The following RIMS1 variants were observed in gnomAD, a reference collection of about 807,000 sequenced individuals.
RIMS1 encodes the protein regulating synaptic membrane exocytosis protein 1.
RIMS1 carries 83 observed loss-of-function variants against 214.1 expected under a neutral mutation model. The observed-to-expected ratio is 0.39, with a 90% CI of 0.32 to 0.47. The LOEUF is 0.47. RIMS1 is among the 20% of genes least tolerant of loss of function. RIMS1 has a pLI of 0.99. For synonymous variants in RIMS1, 793 were observed against 786.8 expected (o/e 1.01, Z -0.13); for missense variants, 2,050 against 2,161.8 (o/e 0.95, Z 1.03).
chr6:72,291,039 C>CT (rs1356466206), intron 25 of RIMS1, among the ~76,000 whole-genome samples, 178 bp downstream of exon 25: 1 of 152,124 alleles, frequency 6.6e-6, no homozygotes, highest in Non-Finnish European at 1.5e-5. Flanking sequence ...CTTCACTGTG[C>CT]TGGTGGTATA....
intron 1 of RIMS1, among the ~76,000 whole-genome samples, chr6:71,935,612 G>A (rs190119691): frequency 2.0e-5 from 3 of 152,218 alleles, no homozygotes; most frequent in Admixed American, 2.0e-4. Context: ...CCTCTGGCCC[G>A]TTTGCTGTTG....
At chr6:72,336,518 G>T (rs1313933001) in intron 29 of RIMS1, among the ~76,000 whole-genome samples, 2 of 151,648 alleles carry the variant, frequency 1.3e-5, no homozygotes, top group Non-Finnish European at 2.9e-5. Flanking sequence ...AAAGGAAATG[G>T]GATTATGAAG....
chr6:72,258,002 C>T lies in RIMS1; in HGVS notation c.2771-123C>T, dbSNP rs889238672. On this transcript the variant is annotated intron_variant, in intron 16 of 33. Transcript: ENST00000521978. ...TTTTTGAAGATAAGGCTATTAATAC[C>T]GATTGCATGACATTTATTCTTCATA... The T allele has an allele frequency of 2.8e-5, 23 of 827,962 alleles. No individual in the cohort carries two copies. In the African/African-American group the frequency reaches 3.3e-4, roughly 12 times the overall value. The allele number at this position is 827,962 out of a possible 1,614,324, so 51.3% of individuals were successfully genotyped here.
chr6:72,074,767 T>C (rs891831818), intron 2 of RIMS1, among the ~76,000 whole-genome samples: 1 of 152,182 alleles, frequency 6.6e-6, no homozygotes, highest in African/African-American at 2.4e-5. Context: ...ATGTGTATTG[T>C]TTCTGCAGTT....
At chr6:72,029,917 G>A (rs1257488013) in intron 2 of RIMS1, among the ~76,000 whole-genome samples, 3 of 152,112 alleles carry the variant, frequency 2.0e-5, no homozygotes, top group African/African-American at 7.2e-5. Flanking sequence ...GAGAACATGT[G>A]AGCTAATGGG....
intron 20 of RIMS1, 34 bp downstream of exon 20, chr6:72,265,086 T>G (rs531498571): frequency 2.4e-6 from 3 of 1,251,942 alleles, no homozygotes; most frequent in South Asian, 1.4e-5. Flanking sequence ...CACCCAGTTA[T>G]AAAGTAATTC....
intron 2 of RIMS1, among the ~76,000 whole-genome samples, chr6:71,988,386 G>T (rs1800643132): frequency 6.6e-6 from 1 of 151,604 alleles, no homozygotes; most frequent in African/African-American, 2.4e-5. Flanking sequence ...GCCTATCCAA[G>T]TTCTTTGGGG....
intron 29 of RIMS1, among the ~76,000 whole-genome samples, chr6:72,367,619 CACAA>C (rs1163305576): frequency 2.0e-5 from 3 of 152,246 alleles, no homozygotes; most frequent in South Asian, 4.1e-4. Flanking sequence ...ACTCTGATGT[CACAA>C]ACAGCCTGGC....
chr6:72,139,654 A>G (rs1452866080), intron 4 of RIMS1, among the ~76,000 whole-genome samples: 1 of 152,174 alleles, frequency 6.6e-6, no homozygotes. Context: ...GATGGACTAA[A>G]TTATAATAGA....
chr6:72,239,151 C>A (rs985248600), intron 9 of RIMS1, among the ~76,000 whole-genome samples: 1 of 152,006 alleles, frequency 6.6e-6, no homozygotes, highest in African/African-American at 2.4e-5. Flanking sequence ...TCTGAGAATC[C>A]CTTGTTGGCT....
intron 28 of RIMS1, among the ~76,000 whole-genome samples, 162 bp downstream of exon 28, chr6:72,313,834 A>G (rs948462491): frequency 3.3e-5 from 5 of 152,226 alleles, no homozygotes; most frequent in Non-Finnish European, 5.9e-5. Context: ...AGTATTGACT[A>G]CTATCAGATA....
intron 1 of RIMS1, among the ~76,000 whole-genome samples, chr6:71,927,144 A>G (rs1165743077): frequency 2.0e-5 from 3 of 152,206 alleles, no homozygotes; most frequent in African/African-American, 7.2e-5. Flanking sequence ...ATCCACATAT[A>G]TATTCACTCT....
At chr6:72,192,231 A>G (rs1023665961) in intron 6 of RIMS1, among the ~76,000 whole-genome samples, 2 of 152,234 alleles carry the variant, frequency 1.3e-5, no homozygotes, top group African/African-American at 4.8e-5. Flanking sequence ...CCACAGTGAC[A>G]TGCTGTGTTC....
intron 1 of RIMS1, among the ~76,000 whole-genome samples, chr6:71,917,913 G>T (rs1449888976): frequency 6.6e-6 from 1 of 152,154 alleles, no homozygotes; most frequent in African/African-American, 2.4e-5. Context: ...TGGGCATCTG[G>T]ATGACTAAGG....
chr6:72,148,523 A>G (rs534784328), intron 4 of RIMS1: 42 of 453,834 alleles, frequency 9.3e-5, no homozygotes, highest in South Asian at 6.4e-4. Flanking sequence ...ATTTGCACTC[A>G]CCTAATGCAC....
chr6:72,089,118 T>C (rs1440441883), intron 2 of RIMS1, among the ~76,000 whole-genome samples: 1 of 152,166 alleles, frequency 6.6e-6, no homozygotes. Context: ...CCTCACAATA[T>C]ACATTTCAAA....
rs553311578 is a variant in RIMS1 at position 72,159,913 on chromosome 6, C to T, written c.472-19662C>T. 1.4e-5 allele frequency among the ~76,000 whole-genome samples: 2 copies of T among 139,504 alleles called. 1 individual carries two copies. The highest frequency in any genetic ancestry group is 3.3e-5 in the Non-Finnish European group (2 of 61,474). The allele number at this position is 139,504 out of a possible 152,430, so 91.5% of individuals were successfully genotyped here. Reference sequence around the variant, plus strand: ...CATGTGAACTTTAAAGTGGTTTTTTCCAATTCTGTCAAGAAAGTCGTTGGT... The same window carrying T: ...CATGTGAACTTTAAAGTGGTTTTTTTCAATTCTGTCAAGAAAGTCGTTGGT... On this transcript the variant is annotated intron_variant, in intron 4 of 33. Coordinates refer to ENST00000521978, the MANE Select transcript of RIMS1 (RefSeq NM_014989.7).
Position 71,993,735 on chromosome 6 carries a change from T to C in RIMS1, c.245+24672T>C, listed in dbSNP as rs1347882177. On this transcript the variant is annotated intron_variant, in intron 2 of 33. Coordinates refer to ENST00000521978, the MANE Select transcript of RIMS1 (RefSeq NM_014989.7). ...TTTTTATTCTTTTCTAGGTTTACAA[T>C]TATTTTCAAATTGCAAAGTTTATAG... 3.3e-5 allele frequency among the ~76,000 whole-genome samples: 5 copies of C among 152,208 alleles called. No individual in the cohort carries two copies. The East Asian group carries it at 9.6e-4, about 29-fold the overall frequency.
At chr6:72,059,999 C>T (rs1827425180) in intron 2 of RIMS1, among the ~76,000 whole-genome samples, 1 of 151,946 alleles carries the variant, frequency 6.6e-6, no homozygotes, top group Non-Finnish European at 1.5e-5. Flanking sequence ...AGTGCAATGG[C>T]ACGATCTCAG....
Sources: allele counts gnomAD v4.1 joint callset (sites outside exome capture counted in the v4.1 genomes callset), GRCh38; gene constraint gnomAD v4.1.1; transcripts MANE v1.5; gene names NCBI Gene and HGNC (gene_info 2026-07-23, HGNC 2026-07-21).